The following FBN1 variants were observed in gnomAD, a reference collection of about 807,000 sequenced individuals.
The protein encoded by FBN1 is fibrillin-1.
In FBN1, 29 loss-of-function variants were observed where a neutral mutation model predicts 365.1. The ratio of observed to expected loss-of-function variants is 0.08; its 90% CI spans 0.06 to 0.11. The LOEUF is 0.11. Among genes scored for constraint, FBN1 ranks in the 10% least tolerant of loss-of-function variants. FBN1 has a pLI of 1.00. For synonymous variants in FBN1, 1,210 were observed against 1,270.5 expected, an observed-to-expected ratio of 0.95 and a Z score of 1.01; for missense variants, 2,476 against 3,703.2, an observed-to-expected ratio of 0.67 and a Z score of 8.60.
chr15:48,456,922 G>A (rs1396056546), intron 43 of FBN1, among the ~76,000 whole-genome samples, 160 bp from the exon 44 acceptor site: 1 of 151,388 alleles, frequency 6.6e-6, no homozygotes. Context: ...TCAACGAATA[G>A]CAAATTGAGA....
intron 5 of FBN1, among the ~76,000 whole-genome samples, chr15:48,598,348 T>C (rs547305701): frequency 6.6e-6 from 1 of 152,218 alleles, no homozygotes; most frequent in African/African-American, 2.4e-5. Flanking sequence ...ACACATAGAG[T>C]TCTAAAATGT....
In FBN1 at chr15:48,410,721, C is replaced by G; in HGVS notation, c.*269G>C. 2 of 431,390 alleles carry G rather than the reference C, an allele frequency of 4.6e-6. No individual in the cohort carries two copies. Among genetic ancestry groups the G allele is most frequent in the Middle Eastern group, 1.3e-3 (2 of 1,566 alleles). The allele number at this position is 431,390 out of a possible 1,614,324, so 26.7% of individuals were successfully genotyped here. ...GCATGTCAGCATAAATGGCCAACCC[C>G]CAATGGAAATACACGTCCCAGTTTT... On this transcript the variant is annotated 3_prime_UTR_variant, in exon 66 of 66. Coordinates refer to ENST00000316623, the MANE Select transcript of FBN1 (RefSeq NM_000138.5).
At position 48,409,503 on chromosome 15, in the gene FBN1, G is replaced by A. The variant is rs1399231612; in HGVS notation, c.*1487C>T. On this transcript the variant is annotated 3_prime_UTR_variant, in exon 66 of 66. Coordinates refer to ENST00000316623, the MANE Select transcript of FBN1 (RefSeq NM_000138.5). ...GGGATTTAAAAAATTATTTCATATC[G>A]ACGGATTGAGCCTAACAGCTAAATA... 2.0e-5 allele frequency: 3 copies of A among 152,068 alleles called. No homozygotes were observed. The highest frequency in any genetic ancestry group is 2.9e-5 in the Non-Finnish European group (2 of 68,010). 9.4% of individuals were successfully genotyped at this position (152,068 alleles called of 1,614,324 possible). A position where few individuals can be genotyped will look rare whatever the true frequency, so the allele number is the denominator to read the frequency against.
intron 37 of FBN1, 76 bp from the exon 38 acceptor site, chr15:48,468,178 G>C: frequency 6.4e-7 from 1 of 1,566,236 alleles, no homozygotes; most frequent in Admixed American, 1.7e-5. Context: ...CCCACTTCAG[G>C]AACTGTTCAA....
intron 49 of FBN1, among the ~76,000 whole-genome samples, chr15:48,442,659 T>A (rs1213885147): frequency 6.6e-6 from 1 of 152,182 alleles, no homozygotes; most frequent in African/African-American, 2.4e-5. Flanking sequence ...CCCCAGCTCA[T>A]GCCAGTTGGC....
chr15:48,478,319 C>T (rs1228878468), intron 32 of FBN1, among the ~76,000 whole-genome samples: 1 of 152,152 alleles, frequency 6.6e-6, no homozygotes, highest in East Asian at 1.9e-4. Flanking sequence ...TTCTCACTGA[C>T]TGTTGGTGGT....
chr15:48,534,387 C>T (rs2043998005), intron 7 of FBN1, among the ~76,000 whole-genome samples, 182 bp from the exon 8 acceptor site: 1 of 152,178 alleles, frequency 6.6e-6, no homozygotes, highest in Non-Finnish European at 1.5e-5. Flanking sequence ...ATGTAAAATA[C>T]ATCGTTTGAT....
chr15:48,434,049 A>G (rs2043044173), intron 54 of FBN1, among the ~76,000 whole-genome samples: 1 of 152,144 alleles, frequency 6.6e-6, no homozygotes, highest in Admixed American at 6.6e-5. Flanking sequence ...ACCCTTTGAG[A>G]GCCACTGCTC....
chr15:48,425,916 T>G (rs1177495758), intron 58 of FBN1, 52 bp from the exon 59 acceptor site: 1 of 1,427,476 alleles, frequency 7.0e-7, no homozygotes, highest in African/African-American at 1.4e-5. Context: ...TTGACAACAT[T>G]AATATGTAGG....
Position 48,505,112 on chromosome 15 carries a change from T to C in FBN1, c.1873A>G (p.Asn625Asp). Residue 625 changes from asparagine to aspartate, a missense_variant, in exon 16 of 66, where the codon AAT becomes GAT. Coordinates refer to ENST00000316623, the MANE Select transcript of FBN1 (RefSeq NM_000138.5). ...CCATCAGTGTTGACGCAACGCCCAT[T>C]CATGCAGATCCCAGGGGTTTCACAC... ...NECETPGICMNGRCVNTDGSY... is the reference protein window; with the variant it reads ...NECETPGICMDGRCVNTDGSY... 1 of 1,614,192 alleles carries C rather than the reference T, an allele frequency of 6.2e-7. No individual in the cohort carries two copies. The highest frequency in any genetic ancestry group is 8.5e-7 in the Non-Finnish European group (1 of 1,180,026).
intron 27 of FBN1, 113 bp from the exon 28 acceptor site, chr15:48,487,550 T>C: frequency 6.9e-7 from 1 of 1,439,990 alleles, no homozygotes; most frequent in South Asian, 1.1e-5. Flanking sequence ...TGTCTCAAGG[T>C]GGGACAACTC....
intron 43 of FBN1, among the ~76,000 whole-genome samples, chr15:48,459,216 T>C (rs2043263623): frequency 6.6e-6 from 1 of 152,232 alleles, no homozygotes; most frequent in African/African-American, 2.4e-5. Context: ...ACCACTACCA[T>C]TACAGACCAC....
chr15:48,492,743 G>T (rs2043572577), intron 23 of FBN1, among the ~76,000 whole-genome samples, 157 bp from the exon 24 acceptor site: 3 of 152,090 alleles, frequency 2.0e-5, no homozygotes, highest in Admixed American at 1.3e-4. Context: ...TAGGGTGCCT[G>T]AATAGCAACC....
intron 6 of FBN1, among the ~76,000 whole-genome samples, chr15:48,557,719 G>T (rs2044192256): frequency 6.6e-6 from 1 of 152,140 alleles, no homozygotes; most frequent in Non-Finnish European, 1.5e-5. Context: ...AGGATGACTG[G>T]GTGTTCCTCT....
At chr15:48,457,046 C>T (rs2043246306) in intron 43 of FBN1, among the ~76,000 whole-genome samples, 1 of 152,150 alleles carries the variant, frequency 6.6e-6, no homozygotes, top group Admixed American at 6.5e-5. Flanking sequence ...CCTCTGGGCA[C>T]TGTGGATGCA....
intron 6 of FBN1, among the ~76,000 whole-genome samples, chr15:48,564,288 G>T (rs1051512238): frequency 6.6e-6 from 1 of 152,130 alleles, no homozygotes; most frequent in Non-Finnish European, 1.5e-5. Flanking sequence ...GCTTTTTATT[G>T]TATAGGATTA....
At chr15:48,413,185 TC>T (rs1309250608) in intron 64 of FBN1, among the ~76,000 whole-genome samples, 2 of 152,226 alleles carry the variant, frequency 1.3e-5, no homozygotes, top group African/African-American at 4.8e-5. Flanking sequence ...TCTTGCATTC[TC>T]CCACTTCCAT....
intron 6 of FBN1, among the ~76,000 whole-genome samples, chr15:48,594,999 G>A (rs2044505893): frequency 6.6e-6 from 1 of 152,174 alleles, no homozygotes; most frequent in African/African-American, 2.4e-5. Flanking sequence ...AAGTTGTAAA[G>A]AGAAGCAGTT....
chr15:48,498,749 G>C (rs1362641514), intron 18 of FBN1, among the ~76,000 whole-genome samples: 1 of 151,844 alleles, frequency 6.6e-6, no homozygotes, highest in Non-Finnish European at 1.5e-5. Context: ...CACTGAGAGA[G>C]CACCTGACCC....
Sources: gnomAD v4.1 joint callset for allele counts (sites outside exome capture counted in the v4.1 genomes callset) on GRCh38, gnomAD v4.1.1 for gene constraint, MANE v1.5 for transcripts, NCBI Gene and HGNC (gene_info 2026-07-23, HGNC 2026-07-21) for gene names.